Variants in PCOLCE2 observed in about 807,000 individuals in gnomAD.
PCOLCE2 encodes the protein procollagen C-endopeptidase enhancer 2.
In PCOLCE2, 42 loss-of-function variants were observed where a neutral mutation model predicts 47.0. That is an observed-to-expected ratio of 0.89 (90% confidence interval 0.70 to 1.16). PCOLCE2 has a LOEUF of 1.16. Ranked by LOEUF, PCOLCE2 falls within the 50% of genes most tolerant of loss-of-function variation. The probability of loss-of-function intolerance (pLI) is 0.00; values close to 1 mark genes in which losing one functional copy is unlikely to be tolerated. For synonymous variants in PCOLCE2, 169 were observed against 191.7 expected, an observed-to-expected ratio of 0.88 and a Z score of 0.98; for missense variants, 500 against 526.1, an observed-to-expected ratio of 0.95 and a Z score of 0.49.
At chr3:142,855,536 G>C (rs1343921097) in intron 2 of PCOLCE2, among the ~76,000 whole-genome samples, 1 of 152,168 alleles carries the variant, frequency 6.6e-6, no homozygotes, top group Non-Finnish European at 1.5e-5. Context: ...CCACCTTGCT[G>C]TGTTTTTCCA....
intron 2 of PCOLCE2, among the ~76,000 whole-genome samples, chr3:142,860,532 C>G (rs753245109): frequency 6.6e-6 from 1 of 152,140 alleles, no homozygotes; most frequent in African/African-American, 2.4e-5. Flanking sequence ...CCTCAGCCCC[C>G]CAAGTAGCTG....
chr3:142,851,697 GA>G (rs1259795299), intron 2 of PCOLCE2, among the ~76,000 whole-genome samples: 3 of 152,146 alleles, frequency 2.0e-5, no homozygotes, highest in Admixed American at 1.3e-4. Context: ...TTAGGACAAG[GA>G]AGAGTGTTGA....
chr3:142,872,344 T>A (rs1007559434), intron 2 of PCOLCE2, among the ~76,000 whole-genome samples: 3 of 152,172 alleles, frequency 2.0e-5, no homozygotes, highest in Non-Finnish European at 4.4e-5. Flanking sequence ...GGGCCCTTAC[T>A]GATAGGCTTT....
chr3:142,866,247 G>A (rs1433355253), intron 2 of PCOLCE2, among the ~76,000 whole-genome samples: 6 of 152,148 alleles, frequency 3.9e-5, no homozygotes, highest in African/African-American at 1.4e-4. Flanking sequence ...CAAAAAGGTG[G>A]AGGAAGGGCA....
At chr3:142,868,539 C>T (rs960538114) in intron 2 of PCOLCE2, among the ~76,000 whole-genome samples, 6 of 152,218 alleles carry the variant, frequency 3.9e-5, no homozygotes, top group African/African-American at 1.4e-4. Flanking sequence ...ACCTGCTCCA[C>T]CCTGACTCAT....
chr3:142,882,752 C>T (rs1040297883), intron 2 of PCOLCE2, among the ~76,000 whole-genome samples: 2 of 151,966 alleles, frequency 1.3e-5, no homozygotes, highest in Non-Finnish European at 2.9e-5. Context: ...GCCAGATCAT[C>T]GCCTTTTAAA....
intron 2 of PCOLCE2, among the ~76,000 whole-genome samples, chr3:142,871,271 T>C (rs752406827): frequency 2.1e-4 from 32 of 152,212 alleles, no homozygotes; most frequent in Non-Finnish European, 4.0e-4. Flanking sequence ...TTATCTCTCA[T>C]CTGAATTACA....
chr3:142,877,104 AT>A (rs1933511462), intron 2 of PCOLCE2, among the ~76,000 whole-genome samples: 1 of 152,232 alleles, frequency 6.6e-6, no homozygotes, highest in Non-Finnish European at 1.5e-5. Context: ...TATTCTGATG[AT>A]TTGGGACTCC....
rs747346478 is a variant in PCOLCE2 at position 142,848,391 on chromosome 3, C to T, written c.274G>A (p.Asp92Asn). 1.9e-6 allele frequency: 3 copies of T among 1,614,106 alleles called. No individual in the cohort carries two copies. Among genetic ancestry groups the T allele is most frequent in the Non-Finnish European group, 2.5e-6 (3 of 1,179,920 alleles). The change falls in exon 3 of 9, where the codon GAT becomes AAT. Residue 92 changes from aspartate to asparagine, a missense_variant. Coordinates refer to ENST00000295992, the MANE Select transcript of PCOLCE2 (RefSeq NM_013363.4). Reference protein sequence around the residue: ...SDNLCRYDFVDVYNGHANGQR... With the variant: ...SDNLCRYDFVNVYNGHANGQR... ...CCATTGGCATGGCCATTGTACACAT[C>T]CACAAAGTCATAGCGGCACAGGTTG...
chr3:142,854,378 T>C (rs1352801893), intron 2 of PCOLCE2, among the ~76,000 whole-genome samples: 2 of 152,082 alleles, frequency 1.3e-5, no homozygotes, highest in Non-Finnish European at 2.9e-5. Context: ...ACCTCTCCCA[T>C]GGACCTCCAA....
At chr3:142,833,680 C>T (rs1199573940) in intron 5 of PCOLCE2, among the ~76,000 whole-genome samples, 3 of 152,122 alleles carry the variant, frequency 2.0e-5, no homozygotes, top group Admixed American at 6.5e-5. Context: ...CAAAAGTGGT[C>T]GTACCAATTC....
At chr3:142,825,495 CA>C (rs1208911727) in intron 6 of PCOLCE2, among the ~76,000 whole-genome samples, 34 of 152,288 alleles carry the variant, frequency 2.2e-4, no homozygotes, top group Admixed American at 7.2e-4. Flanking sequence ...TCATCTTCAC[CA>C]GGGACTTTCC....
chr3:142,880,498 C>A (rs1232771398), intron 2 of PCOLCE2, among the ~76,000 whole-genome samples: 1 of 152,208 alleles, frequency 6.6e-6, no homozygotes, highest in South Asian at 2.1e-4. Context: ...ATACACCCAG[C>A]ACTGATCTTA....
At chr3:142,884,661 AG>A (rs1933687957) in intron 2 of PCOLCE2, among the ~76,000 whole-genome samples, 1 of 152,264 alleles carries the variant, frequency 6.6e-6, no homozygotes, top group Non-Finnish European at 1.5e-5. Context: ...GATAAAGCTG[AG>A]TCAAGAGTCT....
chr3:142,860,488 A>G (rs977182753), intron 2 of PCOLCE2, among the ~76,000 whole-genome samples: 2 of 151,802 alleles, frequency 1.3e-5, no homozygotes, highest in Non-Finnish European at 2.9e-5. Context: ...GGCTCACTGC[A>G]ACCTCTGCCT....
intron 2 of PCOLCE2, among the ~76,000 whole-genome samples, chr3:142,885,059 A>C (rs1156380852): frequency 6.6e-6 from 1 of 152,244 alleles, no homozygotes. Flanking sequence ...GACACATCTA[A>C]ATTTCCAATC....
At chr3:142,868,251 C>T (rs533308641) in intron 2 of PCOLCE2, among the ~76,000 whole-genome samples, 1 of 152,132 alleles carries the variant, frequency 6.6e-6, no homozygotes, top group Non-Finnish European at 1.5e-5. Context: ...CCAAGGACCA[C>T]TTAATAGTAA....
At chr3:142,863,096 C>CAAAAA (rs35383176) in intron 2 of PCOLCE2, among the ~76,000 whole-genome samples, 9 of 85,984 alleles carry the variant, frequency 1.0e-4, no homozygotes, top group Admixed American at 2.8e-4. Context: ...GTCTGGCAGG[C>CAAAAA]AAAAAAAAAA....
At chr3:142,877,755 G>A (rs1027515839) in intron 2 of PCOLCE2, among the ~76,000 whole-genome samples, 2 of 152,140 alleles carry the variant, frequency 1.3e-5, no homozygotes, top group Non-Finnish European at 1.5e-5. Flanking sequence ...GTACTACCCT[G>A]AACCATGGTC....
Sources: allele counts gnomAD v4.1 joint callset (sites outside exome capture counted in the v4.1 genomes callset), GRCh38; gene constraint gnomAD v4.1.1; transcripts MANE v1.5; gene names NCBI Gene and HGNC (gene_info 2026-07-23, HGNC 2026-07-21).